MS4A7: variants seen among roughly 807,000 people sequenced by gnomAD.
The protein encoded by MS4A7 is membrane spanning 4-domains A7, also known as membrane-spanning 4-domains subfamily A member 7.
MS4A7 carries 21 observed loss-of-function variants against 23.5 expected under a neutral mutation model. The ratio of observed to expected loss-of-function variants is 0.89; its 90% confidence interval spans 0.63 to 1.29. The LOEUF is 1.29. Among genes scored for constraint, MS4A7 ranks in the 50% most tolerant of loss-of-function variants. The pLI is 0.00. For synonymous variants in MS4A7, 111 were observed against 107.4 expected (o/e 1.03, Z -0.21); for missense variants, 263 against 274.2 (o/e 0.96, Z 0.29).
Position 60,395,807 on chromosome 11 carries a change from G to T in MS4A7, c.*1946G>T, listed in dbSNP as rs554129652. ...ACAAAAAAAGAAAAAAGATAACTAC[G>T]TGAGGTGATGGATATGTTAATTAGC... On this transcript the variant is annotated 3_prime_UTR_variant, in exon 7 of 7. Transcript: ENST00000300184. 1 of 152,016 alleles carries T rather than the reference G, an allele frequency of 6.6e-6. No homozygotes were observed. The highest frequency in any genetic ancestry group is 1.5e-5 in the Non-Finnish European group (1 of 68,018). The allele number at this position is 152,016 out of a possible 1,614,324, so 9.4% of individuals were successfully genotyped here.
intron 5 of MS4A7, among the ~76,000 whole-genome samples, chr11:60,391,547 A>C (rs568404858): frequency 1.3e-5 from 2 of 152,352 alleles, no homozygotes; most frequent in South Asian, 2.1e-4. Flanking sequence ...TCAGAAGCTC[A>C]AGAATTGGAG....
intron 6 of MS4A7, among the ~76,000 whole-genome samples, chr11:60,393,179 G>A (rs1477179145): frequency 6.6e-6 from 1 of 152,120 alleles, no homozygotes; most frequent in Non-Finnish European, 1.5e-5. Context: ...TGGTCATCTG[G>A]GATCAGCTGG....
At chr11:60,378,802 G>C (rs562405637) in intron 1 of MS4A7, 138 bp downstream of exon 1, 3 of 152,328 alleles carry the variant, frequency 2.0e-5, no homozygotes, top group South Asian at 2.1e-4. Flanking sequence ...TCCCCTTTTT[G>C]GGTCTCAGTT....
At chr11:60,387,224 CTTCAGCGTCAGGG>C (rs2135101082) in intron 4 of MS4A7, among the ~76,000 whole-genome samples, 1 of 152,136 alleles carries the variant, frequency 6.6e-6, no homozygotes, top group East Asian at 1.9e-4. Flanking sequence ...AATTCTAGCC[CTTCAGCGTCAGGG>C]TGACCAATTG....
At chr11:60,391,128 G>T (rs1370549145) in intron 5 of MS4A7, among the ~76,000 whole-genome samples, 1 of 152,184 alleles carries the variant, frequency 6.6e-6, no homozygotes, top group African/African-American at 2.4e-5. Flanking sequence ...CTGCAAAAAT[G>T]TTGAAAGCTG....
At chr11:60,392,541 A>G (rs2135109462) in intron 5 of MS4A7, 144 bp from the exon 6 acceptor site, 1 of 613,636 alleles carries the variant, frequency 1.6e-6, no homozygotes, top group Non-Finnish European at 2.9e-6. Context: ...AAGAAATCTG[A>G]AAAAGAAAGC....
intron 1 of MS4A7, among the ~76,000 whole-genome samples, chr11:60,382,740 G>A (rs1290397184): frequency 6.6e-6 from 1 of 152,220 alleles, no homozygotes; most frequent in African/African-American, 2.4e-5. Flanking sequence ...CCTGGAAGAT[G>A]TGGTGTGAGA....
rs143130904 is a variant in MS4A7, at chr11:60,393,801, G to A, written c.663G>A (p.Ser221=). 9.3e-6 allele frequency: 15 copies of A among 1,608,880 alleles called. No homozygotes were observed. Among genetic ancestry groups the A allele is most frequent in the African/African-American group, 5.4e-5 (4 of 74,448 alleles). The change falls in exon 7 of 7, where the codon TCG becomes TCA. Residue 221 remains serine (S), a synonymous_variant. Coordinates refer to ENST00000300184, the MANE Select transcript of MS4A7 (RefSeq NM_021201.5). ...YSNNPGSSFS[S]TQSQDHIQQV... The stretch of plus-strand genomic sequence containing the variant: ...GTATTTTCTAGAGTTCATTTTCCTC[G>A]ACCCAGTCACAAGATCATATCCAAC...
intron 5 of MS4A7, among the ~76,000 whole-genome samples, chr11:60,390,590 C>T (rs2085540238): frequency 2.0e-5 from 3 of 152,124 alleles, no homozygotes; most frequent in Admixed American, 2.0e-4. Context: ...GCACAGAGAC[C>T]TGTCTGGAGG....
chr11:60,381,559 T>C (rs1281105832), intron 1 of MS4A7, among the ~76,000 whole-genome samples: 1 of 152,216 alleles, frequency 6.6e-6, no homozygotes, highest in African/African-American at 2.4e-5. Flanking sequence ...CAGGATAGTG[T>C]CATTATCCTT....
At chr11:60,392,432 A>G (rs1389705202) in intron 5 of MS4A7, among the ~76,000 whole-genome samples, 1 of 152,190 alleles carries the variant, frequency 6.6e-6, no homozygotes, top group African/African-American at 2.4e-5. Flanking sequence ...AAATAATAAA[A>G]GCAACCAGAG....
intron 5 of MS4A7, among the ~76,000 whole-genome samples, chr11:60,392,235 G>A (rs8181557): frequency 6.6e-6 from 1 of 151,594 alleles, no homozygotes; most frequent in African/African-American, 2.4e-5. Flanking sequence ...TATCTAGTAG[G>A]AGTCCCAGTG....
intron 4 of MS4A7, among the ~76,000 whole-genome samples, chr11:60,387,980 C>T (rs145700853): frequency 3.3e-5 from 5 of 152,220 alleles, no homozygotes; most frequent in Admixed American, 6.5e-5. Context: ...AGGCTCTGTG[C>T]GAGGTTTCCA....
intron 4 of MS4A7, among the ~76,000 whole-genome samples, chr11:60,387,576 G>A (rs1366092680): frequency 1.3e-5 from 2 of 152,134 alleles, no homozygotes; most frequent in African/African-American, 4.8e-5. Flanking sequence ...TTAAAGTAAG[G>A]TGGGAGAAAA....
intron 2 of MS4A7, among the ~76,000 whole-genome samples, chr11:60,384,291 T>G (rs183650270): frequency 2.0e-5 from 3 of 152,368 alleles, no homozygotes; most frequent in South Asian, 4.1e-4. Context: ...TAAAAATCCC[T>G]ACATAGTTTG....
At chr11:60,380,877 C>T (rs771619157) in intron 1 of MS4A7, among the ~76,000 whole-genome samples, 3 of 152,160 alleles carry the variant, frequency 2.0e-5, no homozygotes, top group Admixed American at 6.5e-5. Context: ...TGTAGCTAGC[C>T]GGGCAAGAAC....
chr11:60,392,038 T>A (rs1449732933), intron 5 of MS4A7, among the ~76,000 whole-genome samples: 1 of 151,700 alleles, frequency 6.6e-6, no homozygotes, highest in East Asian at 1.9e-4. Context: ...ATGAAAATTG[T>A]CTTTGAAATT....
chr11:60,389,484 C>T lies in MS4A7; in HGVS notation c.434C>T (p.Ala145Val). Residue 145 changes from alanine (A) to valine (V), a missense_variant, in exon 5 of 7, where the codon GCC (alanine) becomes GTC (valine). Transcript: ENST00000300184. ...GACAGCATGGTAGCCCTGAGGACTG[C>T]CTCTCAACATTGTGGCTCAGAAATG... ...LADSMVALRTASQHCGSEMDY... is the reference protein window; with the variant it reads ...LADSMVALRTVSQHCGSEMDY... The T allele has an allele frequency of 2.5e-6, 4 of 1,614,086 alleles. No homozygotes were observed. Among genetic ancestry groups the T allele is most frequent in the South Asian group, 2.2e-5 (2 of 91,080 alleles).
intron 4 of MS4A7, 159 bp from the exon 5 acceptor site, chr11:60,389,231 C>A: frequency 1.7e-6 from 1 of 603,518 alleles, no homozygotes. Flanking sequence ...TAAATAGCGA[C>A]AAGAGATACA....
Sources: allele counts gnomAD v4.1 joint callset (sites outside exome capture counted in the v4.1 genomes callset), GRCh38; gene constraint gnomAD v4.1.1; transcripts MANE v1.5; gene names NCBI Gene and HGNC (gene_info 2026-07-23, HGNC 2026-07-21).